Variants in NR2E1 observed in about 807,000 individuals in gnomAD.
NR2E1 encodes nuclear receptor TLX.
In NR2E1, 5 loss-of-function variants were observed where a neutral mutation model predicts 43.6. The observed-to-expected ratio is 0.11, with a 90% CI of 0.06 to 0.24. The LOEUF (loss-of-function observed/expected upper bound fraction) is 0.24. NR2E1 is among the 10% of genes least tolerant of loss of function. NR2E1 has a pLI of 1.00. For missense variants in NR2E1, 287 were observed against 496.7 expected (o/e 0.58, Z 4.01); for synonymous variants, 191 against 195.5 (o/e 0.98, Z 0.19).
chr6:108,168,093 C>G, intron 1 of NR2E1: 1 of 1,604,106 alleles, frequency 6.2e-7, no homozygotes. Flanking sequence ...CAGAGCGGAC[C>G]CTGGCCCAGG....
intron 4 of NR2E1, among the ~76,000 whole-genome samples, chr6:108,177,633 T>C (rs1406620793): frequency 6.6e-6 from 1 of 152,278 alleles, no homozygotes; most frequent in African/African-American, 2.4e-5. Context: ...GCTCTGTGAA[T>C]GATTAAGATG....
rs567937143 is a variant in NR2E1 at position 108,187,784 on chromosome 6, G to A, written c.*321G>A. On this transcript the variant is annotated 3_prime_UTR_variant, in exon 9 of 9. Transcript: ENST00000368986. ...TCTTACCTGGAAGATCAGGCTGAAC[G>A]ATCAAAAGCTGAAACATAAGTAGTG... The A allele has an allele frequency of 5.3e-6, 2 of 377,474 alleles. No individual in the cohort carries two copies. The highest frequency in any genetic ancestry group is 1.0e-5 in the Non-Finnish European group (2 of 197,664). The allele number at this position is 377,474 out of a possible 1,614,324, so 23.4% of individuals were successfully genotyped here. A position where few individuals can be genotyped will look rare whatever the true frequency, so the allele number is the denominator to read the frequency against.
At chr6:108,175,214 C>A (rs1033165405) in intron 3 of NR2E1, among the ~76,000 whole-genome samples, 6 of 152,220 alleles carry the variant, frequency 3.9e-5, no homozygotes, top group African/African-American at 1.4e-4. Flanking sequence ...GGGACCGGCG[C>A]GCATTTTCTG....
chr6:108,173,190 T>A (rs1773840502), intron 2 of NR2E1, among the ~76,000 whole-genome samples: 1 of 152,230 alleles, frequency 6.6e-6, no homozygotes, highest in South Asian at 2.1e-4. Context: ...TCCTTCTCTC[T>A]GGCGCTAGAT....
intron 1 of NR2E1, among the ~76,000 whole-genome samples, chr6:108,168,388 G>A (rs1773748985): frequency 6.6e-6 from 1 of 152,196 alleles, no homozygotes; most frequent in African/African-American, 2.4e-5. Flanking sequence ...TGGAGCCCCT[G>A]GGGCCCTTGA....
In NR2E1 at chr6:108,187,282, A is replaced by G; in HGVS notation, c.996-19A>G. The G allele has an allele frequency of 1.2e-6, 2 of 1,614,124 alleles. No individual in the cohort carries two copies. The highest frequency in any genetic ancestry group is 1.7e-6 in the Non-Finnish European group (2 of 1,180,014). On this transcript the variant is annotated intron_variant, in intron 8 of 8. Transcript: ENST00000368986. ...AGTAATGGCCTCTGACCTTGTTTTC[A>G]TGGCTTCTCACATTCCAGATATCCC... is the stretch of plus-strand genomic sequence containing the variant.
chr6:108,166,506 G>A lies in NR2E1; in HGVS notation c.-260G>A. ...TCTCCATCTGTCTGTCCATGTGTGT[G>A]TCCATATCAAGCAGCATTCCCAGCA... is the stretch of plus-strand genomic sequence containing the variant. On this transcript the variant is annotated 5_prime_UTR_variant, in exon 1 of 9. Coordinates refer to ENST00000368986, the MANE Select transcript of NR2E1 (RefSeq NM_003269.5). This position sits in a 1 kb window ranked among gnomAD's most constrained non-coding sequence, Gnocchi z 7.2. 2.1e-6 allele frequency: 1 copy of A among 481,244 alleles called. No homozygotes were observed. Among genetic ancestry groups the A allele is most frequent in the Middle Eastern group, 5.5e-4 (1 of 1,822 alleles). The allele number at this position is 481,244 out of a possible 1,614,324, so 29.8% of individuals were successfully genotyped here.
Position 108,180,268 on chromosome 6 carries a change from T to C in NR2E1, c.643-55T>C. Reference sequence around the variant, plus strand: ...AATGGAAATTTACATAGTGAAATTGTTTATAAATTTATAAATTACACACTA... The same window carrying C: ...AATGGAAATTTACATAGTGAAATTGCTTATAAATTTATAAATTACACACTA... On this transcript the variant is annotated intron_variant, in intron 5 of 8. Coordinates refer to ENST00000368986, the MANE Select transcript of NR2E1 (RefSeq NM_003269.5). This position sits in a 1 kb window ranked among gnomAD's most constrained non-coding sequence, Gnocchi z 5.4. 1 of 1,119,252 alleles carries C rather than the reference T, an allele frequency of 8.9e-7. No homozygotes were observed. Among genetic ancestry groups the C allele is most frequent in the South Asian group, 1.3e-5 (1 of 75,472 alleles). 69.3% of individuals were successfully genotyped at this position (1,119,252 alleles called of 1,614,324 possible). A position where few individuals can be genotyped will look rare whatever the true frequency, so the allele number is the denominator to read the frequency against.
At position 108,173,809 on chromosome 6, in the gene NR2E1, T is replaced by C. The variant is rs564716611; in HGVS notation, c.172-1027T>C. Among the ~76,000 whole-genome samples the C allele has an allele frequency of 7.2e-5, 11 of 152,368 alleles. No individual in the cohort carries two copies. The South Asian group carries it at 2.3e-3, about 32-fold the overall frequency. On this transcript the variant is annotated intron_variant, in intron 2 of 8. Coordinates refer to ENST00000368986, the MANE Select transcript of NR2E1 (RefSeq NM_003269.5). The stretch of plus-strand genomic sequence containing the variant: ...GACTCTTTATGTATCTATGCATATG[T>C]CCCCTCGGTAATGACATCTAACACT...
chr6:108,170,379 A>G (rs1332582282), intron 1 of NR2E1, among the ~76,000 whole-genome samples: 3 of 152,168 alleles, frequency 2.0e-5, no homozygotes, highest in Non-Finnish European at 4.4e-5. Flanking sequence ...GGGAGGAAGC[A>G]TTTCTAAGTC....
chr6:108,176,269 A>C (rs964720318), intron 3 of NR2E1: 4 of 589,596 alleles, frequency 6.8e-6, no homozygotes, highest in Non-Finnish European at 1.2e-5. Flanking sequence ...TTATCGTGGC[A>C]CTTTGAGCAC....
chr6:108,174,853 C>T lies in NR2E1; in HGVS notation c.189C>T (p.Asp63=), dbSNP rs1420956506. ...TGTTCCAGGGAGGCTGTCCGGTGGA[C>T]AAGACGCACAGAAACCAGTGCAGGG... The part of the protein sequence containing the change: ...KSGNQGGCPV[D]KTHRNQCRAC... The change falls in exon 3 of 9, where the codon GAC becomes GAT. Residue 63 remains aspartate (D), a synonymous_variant. Transcript: ENST00000368986. 1.2e-6 allele frequency: 2 copies of T among 1,614,090 alleles called. No individual in the cohort carries two copies. The highest frequency in any genetic ancestry group is 1.1e-5 in the South Asian group (1 of 91,088).
chr6:108,167,923 T>A, intron 1 of NR2E1: 1 of 1,281,048 alleles, frequency 7.8e-7, no homozygotes, highest in South Asian at 1.5e-5. Flanking sequence ...CCCGCCCTCC[T>A]ACCCCCCTCC....
At chr6:108,168,307 G>A (rs1562401245) in intron 1 of NR2E1, 3 of 793,252 alleles carry the variant, frequency 3.8e-6, no homozygotes, top group East Asian at 2.8e-5. Flanking sequence ...TAGCTCGCTC[G>A]CCCCGGGACA....
intron 3 of NR2E1, among the ~76,000 whole-genome samples, chr6:108,175,723 T>C (rs1040932566): frequency 6.6e-6 from 1 of 152,054 alleles, no homozygotes; most frequent in African/African-American, 2.4e-5. Context: ...CGAGTGGGTT[T>C]TGCTGTGAGG....
rs780198860 is a variant in NR2E1 at position 108,166,812 on chromosome 6, G to T, written c.25+22G>T. 1.9e-6 allele frequency: 3 copies of T among 1,588,162 alleles called. No individual in the cohort carries two copies. Among genetic ancestry groups the T allele is most frequent in the East Asian group, 2.3e-5 (1 of 44,040 alleles). On this transcript the variant is annotated intron_variant, in intron 1 of 8. Transcript: ENST00000368986. The surrounding 1 kb of genome is among the most constrained non-coding windows in gnomAD (Gnocchi z 7.2). Reference sequence around the variant, plus strand: ...ACAAGTGGGTACCTCTCGGGCCGCCGTGGGGCCTAGGCGCGCAGCCTGGGG... The same window carrying T: ...ACAAGTGGGTACCTCTCGGGCCGCCTTGGGGCCTAGGCGCGCAGCCTGGGG...
chr6:108,181,365 T>C (rs1042676054), intron 7 of NR2E1, among the ~76,000 whole-genome samples, 181 bp from the exon 8 acceptor site: 1 of 152,194 alleles, frequency 6.6e-6, no homozygotes, highest in African/African-American at 2.4e-5. Context: ...GGCTAATTTT[T>C]GTATTTTTAG....
At position 108,186,398 on chromosome 6, in the gene NR2E1, T is replaced by G. The variant is rs187176250; in HGVS notation, c.996-903T>G. Reference sequence around the variant, plus strand: ...TTGCAGGGTGGAGTTATCAGGCAGTTAAACACAGCCACCTGACTCCTTCGA... The same window carrying G: ...TTGCAGGGTGGAGTTATCAGGCAGTGAAACACAGCCACCTGACTCCTTCGA... On this transcript the variant is annotated intron_variant, in intron 8 of 8. Coordinates refer to ENST00000368986, the MANE Select transcript of NR2E1 (RefSeq NM_003269.5). 2.7e-3 allele frequency among the ~76,000 whole-genome samples: 405 copies of G among 152,338 alleles called. 3 individuals carry two copies. The highest frequency in any genetic ancestry group is 3.5e-3 in the Non-Finnish European group (239 of 68,028).
intron 3 of NR2E1, 96 bp from the exon 4 acceptor site, chr6:108,176,407 A>C: frequency 7.7e-7 from 1 of 1,292,360 alleles, no homozygotes; most frequent in African/African-American, 1.5e-5. Context: ...TTGCCCGCCC[A>C]GACTTGACAT....
Sources: gnomAD v4.1 joint callset for allele counts (sites outside exome capture counted in the v4.1 genomes callset) on GRCh38, gnomAD v4.1.1 for gene constraint, Gnocchi (gnomAD v3.1) non-coding constraint, MANE v1.5 for transcripts, NCBI Gene and HGNC (gene_info 2026-07-23, HGNC 2026-07-21) for gene names.